ADCY10: variants seen among roughly 807,000 people sequenced by gnomAD.
The protein encoded by ADCY10 is adenylate cyclase type 10.
A neutral mutation model predicts 183.3 loss-of-function variants in ADCY10; 156 were observed. The ratio of observed to expected loss-of-function variants is 0.85; its 90% confidence interval spans 0.75 to 0.97. ADCY10 has a LOEUF of 0.97. Among genes scored for constraint, ADCY10 ranks in the 50% least tolerant of loss-of-function variants. The pLI, the probability that ADCY10 is intolerant of heterozygous loss-of-function variation, is 0.00. For missense variants in ADCY10, 1,745 were observed against 1,934.3 expected (o/e 0.90, Z 1.84); for synonymous variants, 645 against 670.0 (o/e 0.96, Z 0.58).
intron 25 of ADCY10, 24 bp from the exon 26 acceptor site, chr1:167,829,447 T>C (rs1434501449): frequency 6.2e-7 from 1 of 1,613,804 alleles, no homozygotes. Context: ...TAAACACAAA[T>C]GGAACATGAA....
intron 30 of ADCY10, chr1:167,820,462 A>G: frequency 2.4e-6 from 1 of 417,334 alleles, no homozygotes; most frequent in Non-Finnish European, 4.2e-6. Flanking sequence ...GCATTGGCCT[A>G]GGACACAGCT....
In ADCY10 at chr1:167,910,080, C is replaced by T. The variant is rs114803632; in HGVS notation, c.-59+3896G>A. Among the ~76,000 whole-genome samples, 1,315 of 152,274 alleles carry T rather than the reference C, an allele frequency of 8.6e-3. 15 individuals carry two copies. Among genetic ancestry groups the T allele is most frequent in the African/African-American group, 0.03 (1,235 of 41,542 alleles). Reference sequence around the variant, plus strand: ...GGCCAGGAACTGTTTCTTTGGGGACCTCAGTTCTTGAGATGCAAGTCTGCC... The same window carrying T: ...GGCCAGGAACTGTTTCTTTGGGGACTTCAGTTCTTGAGATGCAAGTCTGCC... On this transcript the variant is annotated intron_variant, in intron 1 of 32. Transcript: ENST00000367851.
chr1:167,883,641 G>A lies in ADCY10; in HGVS notation c.829-13C>T, dbSNP rs764734819. 8.7e-6 allele frequency: 14 copies of A among 1,613,974 alleles called. No individual in the cohort carries two copies. The South Asian group carries it at 1.5e-4, about 18-fold the overall frequency. On this transcript the variant is annotated splice_polypyrimidine_tract_variant and intron_variant, in intron 8 of 32. Coordinates refer to ENST00000367851, the MANE Select transcript of ADCY10 (RefSeq NM_018417.6). Reference sequence around the variant, plus strand: ...GTTTGTTATCAATCTGCAAAGTAGAGAGCAGCTTTCTGTAGGTGTCCTTGG... The same window carrying A: ...GTTTGTTATCAATCTGCAAAGTAGAAAGCAGCTTTCTGTAGGTGTCCTTGG...
chr1:167,909,936 G>A (rs988772308), intron 1 of ADCY10, among the ~76,000 whole-genome samples: 1 of 145,824 alleles, frequency 6.9e-6, no homozygotes, highest in Non-Finnish European at 1.5e-5. Context: ...CGGCGCCACT[G>A]ATGACCAGGT....
chr1:167,866,035 T>C (rs1190724732), intron 14 of ADCY10, among the ~76,000 whole-genome samples: 1 of 152,184 alleles, frequency 6.6e-6, no homozygotes, highest in African/African-American at 2.4e-5. Flanking sequence ...TAGGATTCCT[T>C]GGAGACCTGA....
intron 8 of ADCY10, among the ~76,000 whole-genome samples, chr1:167,886,353 T>C (rs1200610303): frequency 2.0e-5 from 3 of 152,046 alleles, no homozygotes; most frequent in Non-Finnish European, 4.4e-5. Context: ...AACAGAAATA[T>C]AGACCAATGG....
intron 10 of ADCY10, 146 bp from the exon 11 acceptor site, chr1:167,880,337 A>G (rs771761386): frequency 1.2e-5 from 12 of 965,782 alleles, no homozygotes; most frequent in East Asian, 4.9e-5. Context: ...TGGCATTTCT[A>G]CATGGCCCGG....
At chr1:167,820,169 C>T in intron 30 of ADCY10, 2 of 1,541,470 alleles carry the variant, frequency 1.3e-6, no homozygotes, top group Non-Finnish European at 8.7e-7. Context: ...CGCAGATTCC[C>T]CGAATGCCGC....
At chr1:167,840,777 G>A (rs898269366) in intron 21 of ADCY10, among the ~76,000 whole-genome samples, 1 of 151,948 alleles carries the variant, frequency 6.6e-6, no homozygotes, top group African/African-American at 2.4e-5. Context: ...ATGCCTATAG[G>A]TTCTCAAATG....
chr1:167,899,797 C>T (rs1328491809), intron 5 of ADCY10, among the ~76,000 whole-genome samples, 169 bp from the exon 6 acceptor site: 1 of 152,186 alleles, frequency 6.6e-6, no homozygotes, highest in Non-Finnish European at 1.5e-5. Context: ...GGGCTCGGGC[C>T]TTCCAAAGCT....
Position 167,883,629 on chromosome 1 carries a change from C to G in ADCY10, c.829-1G>C. On this transcript the variant is annotated splice_acceptor_variant, in intron 8 of 32. Transcript: ENST00000367851. LOFTEE classifies it high-confidence loss of function. ...AGCCCTGAAGCTGTTTGTTATCAAT[C>G]TGCAAAGTAGAGAGCAGCTTTCTGT... 3 of 1,614,214 alleles carry G rather than the reference C, an allele frequency of 1.9e-6. No homozygotes were observed. Among genetic ancestry groups the G allele is most frequent in the Non-Finnish European group, 2.5e-6 (3 of 1,180,042 alleles).
chr1:167,859,700 C>A, intron 16 of ADCY10, 107 bp downstream of exon 16: 1 of 851,452 alleles, frequency 1.2e-6, no homozygotes, highest in South Asian at 1.3e-5. Flanking sequence ...CCTTCACATC[C>A]TTCAAAAGCC....
chr1:167,859,242 G>T (rs1558196671), intron 16 of ADCY10, among the ~76,000 whole-genome samples: 1 of 152,188 alleles, frequency 6.6e-6, no homozygotes, highest in African/African-American at 2.4e-5. Flanking sequence ...TATAAATTTG[G>T]TGATCAATAT....
chr1:167,846,372 C>G, intron 19 of ADCY10, 109 bp from the exon 20 acceptor site: 4 of 1,385,770 alleles, frequency 2.9e-6, no homozygotes, highest in Non-Finnish European at 4.1e-6. Context: ...GTTCTTGTTG[C>G]AAGAAACTCA....
chr1:167,866,088 A>C (rs188804592), intron 14 of ADCY10, among the ~76,000 whole-genome samples: 136 of 152,348 alleles, frequency 8.9e-4, no homozygotes, highest in East Asian at 1.9e-3. Flanking sequence ...CTTATCAATC[A>C]GTCAGCCCTT....
At position 167,824,658 on chromosome 1, in the gene ADCY10, A is replaced by G. The variant is rs554693696; in HGVS notation, c.3948T>C (p.Ile1316=). ...KLIMGHLDLA[I]ELGSRALQMW... is the part of the protein sequence containing the mutation. ...TGCCCAGCCAGCCCTTACCTAACTC[A>G]ATGGCCAAATCCAGGTGTCCCATTA... The change falls in exon 27 of 33, where the codon ATT becomes ATC. Residue 1316 remains isoleucine (I), a synonymous_variant. Coordinates refer to ENST00000367851, the MANE Select transcript of ADCY10 (RefSeq NM_018417.6). The G allele has an allele frequency of 6.2e-7, 1 of 1,614,128 alleles. No homozygotes were observed. The highest frequency in any genetic ancestry group is 1.1e-5 in the South Asian group (1 of 91,088).
At position 167,905,201 on chromosome 1, in the gene ADCY10, A is replaced by G. The variant is rs1669731561; in HGVS notation, c.-58-3T>C. ...GAAGCAGTCTCCAAATAGGTCTTCT[A>G]AAAAGAAAATTGAAATAGAGGAAAT... On this transcript the variant is annotated splice_polypyrimidine_tract_variant and splice_region_variant and intron_variant, in intron 1 of 32. Transcript: ENST00000367851. 1 of 1,577,222 alleles carries G rather than the reference A, an allele frequency of 6.3e-7. No individual in the cohort carries two copies. The highest frequency in any genetic ancestry group is 8.7e-7 in the Non-Finnish European group (1 of 1,146,810).
At chr1:167,813,349 T>C (rs1362589039) in intron 31 of ADCY10, among the ~76,000 whole-genome samples, 1 of 151,290 alleles carries the variant, frequency 6.6e-6, no homozygotes, top group Non-Finnish European at 1.5e-5. Flanking sequence ...GCCAATACAT[T>C]CAAAATATTA....
intron 30 of ADCY10, chr1:167,819,885 A>G (rs1384403242): frequency 3.4e-6 from 3 of 879,222 alleles, no homozygotes; most frequent in Non-Finnish European, 5.7e-6. Context: ...ATAGCCAAAT[A>G]TTTAAAGCCA....
Sources: gnomAD v4.1 joint callset for allele counts (sites outside exome capture counted in the v4.1 genomes callset) on GRCh38, gnomAD v4.1.1 for gene constraint, MANE v1.5 for transcripts, NCBI Gene and HGNC (gene_info 2026-07-23, HGNC 2026-07-21) for gene names.